Variants in CC2D2A observed in about 807,000 individuals in gnomAD.
The protein encoded by CC2D2A is coiled-coil and C2 domain-containing protein 2A.
Under a neutral mutation model 212.9 loss-of-function variants are expected in CC2D2A, and 155 were observed. That is an observed-to-expected ratio of 0.73 (90% CI 0.64 to 0.83). The LOEUF (loss-of-function observed/expected upper bound fraction) is 0.83. Among genes scored for constraint, CC2D2A ranks in the 40% least tolerant of loss-of-function variants. The pLI, the probability that CC2D2A is intolerant of heterozygous loss-of-function variation, is 0.00. For missense variants in CC2D2A, 1,856 were observed against 1,956.2 expected, an observed-to-expected ratio of 0.95 and a Z score of 0.97; for synonymous variants, 667 against 686.5, an observed-to-expected ratio of 0.97 and a Z score of 0.44.
At chr4:15,595,174 A>G (rs1721267116) in intron 33 of CC2D2A, among the ~76,000 whole-genome samples, 1 of 152,106 alleles carries the variant, frequency 6.6e-6, no homozygotes. Context: ...TGTTTCATTC[A>G]CTGCTTTATC....
intron 2 of CC2D2A, among the ~76,000 whole-genome samples, chr4:15,476,979 G>C (rs763368108): frequency 1.3e-5 from 2 of 152,190 alleles, no homozygotes; most frequent in Non-Finnish European, 2.9e-5. Context: ...AAAGCCTGAG[G>C]AAACTCATTA....
chr4:15,569,343 T>C lies in CC2D2A; in HGVS notation c.3449T>C (p.Val1150Ala). Residue 1150 changes from valine (V) to alanine (A), a missense_variant, in exon 27 of 37, where the codon GTT (valine) becomes GCT (alanine). Around this residue, in one of 5 missense-constraint regions of CC2D2A, gnomAD observed 1,512 missense variants for 1,579.3 expected, o/e 0.96. Coordinates refer to ENST00000424120, the MANE Select transcript of CC2D2A (RefSeq NM_001378615.1). Reference sequence around the variant, plus strand: ...GCCAGTCTGCAGTCAGTGAAAGATGTTGTGTTCATTAACATTTTTGATGAA... The same window carrying C: ...GCCAGTCTGCAGTCAGTGAAAGATGCTGTGTTCATTAACATTTTTGATGAA... ...STASLQSVKD[V>A]VFINIFDEVL... 1.3e-6 allele frequency: 2 copies of C among 1,582,726 alleles called. No individual in the cohort carries two copies. Among genetic ancestry groups the C allele is most frequent in the Non-Finnish European group, 1.7e-6 (2 of 1,162,772 alleles).
intron 33 of CC2D2A, among the ~76,000 whole-genome samples, chr4:15,591,614 T>C (rs929949118): frequency 1.3e-5 from 2 of 152,166 alleles, no homozygotes; most frequent in African/African-American, 4.8e-5. Flanking sequence ...GTTCAGCAAA[T>C]AGCAACTACA....
At chr4:15,548,107 T>C (rs1006552546) in intron 17 of CC2D2A, among the ~76,000 whole-genome samples, 2 of 145,336 alleles carry the variant, frequency 1.4e-5, no homozygotes, top group Non-Finnish European at 3.0e-5. Context: ...AAATAAAGAT[T>C]GGGGAAATTC....
chr4:15,596,035 T>C (rs1379324897), intron 33 of CC2D2A, 50 bp from the exon 34 acceptor site: 2 of 1,371,560 alleles, frequency 1.5e-6, no homozygotes, highest in Admixed American at 2.2e-5. Context: ...CACATACATG[T>C]GCATGTATAC....
chr4:15,529,765 A>G (rs1466725750), intron 13 of CC2D2A, among the ~76,000 whole-genome samples: 1 of 149,618 alleles, frequency 6.7e-6, no homozygotes, highest in Non-Finnish European at 1.5e-5. Flanking sequence ...GTGTACCTGT[A>G]TGAGTACTTC....
rs749997192 is a variant in CC2D2A at position 15,553,301 on chromosome 4, C to A, written c.2482C>A (p.Arg828=). ...ATTGTCACAGCAGAACATCGGATTT[C>A]GGAGGTAATACATGGCAAGAGTAAA... is the stretch of plus-strand genomic sequence containing the variant. ...PPLSQQNIGF[R]SALKKADAIS... Residue 828 remains arginine (R), a synonymous_variant, in exon 19 of 37, where the codon CGG becomes AGG. Transcript: ENST00000424120. 3.7e-6 allele frequency: 6 copies of A among 1,611,770 alleles called. No homozygotes were observed. In the Admixed American group the frequency reaches 6.7e-5, roughly 18 times the overall value.
rs746694614 is a variant in CC2D2A, at chr4:15,570,404, C to T, written c.3502C>T (p.Arg1168Cys). Residue 1168 changes from arginine to cysteine, a missense_variant, in exon 28 of 37, where the codon CGT (arginine) becomes TGT (cysteine). Arg to Cys is a radical substitution (Grantham distance 180). This residue lies in a region of CC2D2A where 1,512 missense variants were observed against 1,579.3 expected (regional missense o/e 0.96). Transcript: ENST00000424120. ...CTTCCCACCCTTCCTTTAGGATGACCGTGAAAGAGGAAGTGGAATCCATAC... is the reference window on the plus strand; with the variant it reads ...CTTCCCACCCTTCCTTTAGGATGACTGTGAAAGAGGAAGTGGAATCCATAC... The part of the protein sequence containing the change: ...EVLHDVLEDD[R>C]ERGSGIHTRI... 16 of 1,593,040 alleles carry T rather than the reference C, an allele frequency of 1.0e-5. No homozygotes were observed. Among genetic ancestry groups the T allele is most frequent in the African/African-American group, 5.4e-5 (4 of 74,618 alleles).
In CC2D2A at chr4:15,480,835, C is replaced by A; in HGVS notation, c.247+8C>A. 6.2e-7 allele frequency: 1 copy of A among 1,609,358 alleles called. No individual in the cohort carries two copies. The highest frequency in any genetic ancestry group is 8.5e-7 in the Non-Finnish European group (1 of 1,177,350). On this transcript the variant is annotated splice_region_variant and intron_variant, in intron 4 of 36. Coordinates refer to ENST00000424120, the MANE Select transcript of CC2D2A (RefSeq NM_001378615.1). The stretch of plus-strand genomic sequence containing the variant: ...TCCGGAGAGGCCCACGGAGTAAGTG[C>A]CCCTCTTCCATTCAGCTACTGCTTG...
chr4:15,521,762 T>C (rs142003689), intron 11 of CC2D2A, among the ~76,000 whole-genome samples: 44 of 152,374 alleles, frequency 2.9e-4, no homozygotes, highest in African/African-American at 9.9e-4. Context: ...ATGACTTTGC[T>C]GCGTGTATTA....
At chr4:15,521,205 A>C (rs1395273680) in intron 11 of CC2D2A, among the ~76,000 whole-genome samples, 1 of 152,188 alleles carries the variant, frequency 6.6e-6, no homozygotes, top group Non-Finnish European at 1.5e-5. Context: ...CACAAGAAAG[A>C]AGCAAAGGGG....
At chr4:15,474,524 A>G (rs1036951401) in intron 1 of CC2D2A, among the ~76,000 whole-genome samples, 1 of 152,198 alleles carries the variant, frequency 6.6e-6, no homozygotes, top group African/African-American at 2.4e-5. Context: ...CTAGTATTTG[A>G]TAACACAATG....
intron 12 of CC2D2A, 131 bp downstream of exon 12, chr4:15,527,787 T>C: frequency 1.5e-6 from 1 of 684,644 alleles, no homozygotes; most frequent in Non-Finnish European, 2.4e-6. Flanking sequence ...GGATGTGTGA[T>C]ACATTATCCA....
chr4:15,537,856 T>G, intron 15 of CC2D2A, 43 bp from the exon 16 acceptor site: 1 of 1,549,052 alleles, frequency 6.5e-7, no homozygotes, highest in South Asian at 1.2e-5. Context: ...TAAATGAAAT[T>G]CCAAAATTCC....
Position 15,567,384 on chromosome 4 carries a change from C to T in CC2D2A, c.3190C>T (p.Gln1064Ter). The change falls in exon 25 of 37, where the codon CAG (glutamine) becomes TAG (stop). Residue 1064 changes from glutamine to a stop codon, truncating the protein, a stop_gained. Transcript: ENST00000424120. LOFTEE classifies it high-confidence loss of function. ...ATACATTTTCTCTCCTAGCAAATTCCAGCAGCCGTCGAGGTCTTCAAGGAT... is the reference window on the plus strand; with the variant it reads ...ATACATTTTCTCTCCTAGCAAATTCTAGCAGCCGTCGAGGTCTTCAAGGAT... The part of the protein sequence containing the change: ...PVRKPAVSKF[Q>*]QPSRSSRMFS... 6.2e-7 allele frequency: 1 copy of T among 1,612,418 alleles called. No individual in the cohort carries two copies. The highest frequency in any genetic ancestry group is 1.1e-5 in the South Asian group (1 of 90,874).
intron 3 of CC2D2A, chr4:15,479,379 C>T: frequency 7.2e-7 from 1 of 1,379,336 alleles, no homozygotes; most frequent in Non-Finnish European, 1.0e-6. Flanking sequence ...AGGGAAGCAG[C>T]TATTGTGGAT....
intron 4 of CC2D2A, chr4:15,492,755 C>G (rs936844689): frequency 1.2e-6 from 1 of 817,756 alleles, no homozygotes; most frequent in Non-Finnish European, 2.0e-6. Context: ...GCCATGAGGT[C>G]CACCACTCTA....
intron 33 of CC2D2A, among the ~76,000 whole-genome samples, chr4:15,591,186 G>A (rs71601483): frequency 6.6e-6 from 1 of 151,288 alleles, no homozygotes; most frequent in African/African-American, 2.4e-5. Context: ...CATCCTCCTG[G>A]GGTATGGACC....
At position 15,527,585 on chromosome 4, in the gene CC2D2A, A is replaced by C; in HGVS notation, c.1288A>C (p.Lys430Gln). 6.2e-7 allele frequency: 1 copy of C among 1,613,408 alleles called. No individual in the cohort carries two copies. ...TAGCCGAGAGCATGTTTTGGCAGCC[A>C]AGCTGGCCCAGTTATATGACCAGTA... ...CFSREHVLAA[K>Q]LAQLYDQYLA... The change falls in exon 12 of 37, where the codon AAG becomes CAG. Residue 430 changes from lysine to glutamine, a missense_variant. Around this residue, in one of 5 missense-constraint regions of CC2D2A, gnomAD observed 1,512 missense variants for 1,579.3 expected, o/e 0.96. Coordinates refer to ENST00000424120, the MANE Select transcript of CC2D2A (RefSeq NM_001378615.1).
Sources: gnomAD v4.1 joint callset for allele counts (sites outside exome capture counted in the v4.1 genomes callset) on GRCh38, gnomAD v4.1.1 for gene constraint, gnomAD v4.1.1 regional missense constraint, MANE v1.5 for transcripts, NCBI Gene and HGNC (gene_info 2026-07-23, HGNC 2026-07-21) for gene names.